Variants in EFCAB11 observed in about 807,000 individuals in gnomAD.
EFCAB11 encodes EF-hand calcium-binding domain-containing protein 11.
In EFCAB11, 14 loss-of-function variants were observed where a neutral mutation model predicts 23.0. That is an observed-to-expected ratio of 0.61 (90% confidence interval 0.40 to 0.95). The LOEUF is 0.95. Among genes scored for constraint, EFCAB11 ranks in the 40% least tolerant of loss-of-function variants. EFCAB11 has a pLI of 0.00. For synonymous variants in EFCAB11, 65 were observed against 66.6 expected, an observed-to-expected ratio of 0.98 and a Z score of 0.11; for missense variants, 198 against 195.8, an observed-to-expected ratio of 1.01 and a Z score of -0.07.
At chr14:89,923,405 T>C (rs1377114538) in intron 5 of EFCAB11, 1 of 152,556 alleles carries the variant, frequency 6.6e-6, no homozygotes, top group Admixed American at 6.5e-5. Flanking sequence ...TATAAGCATG[T>C]GCAACAGGAC....
intron 5 of EFCAB11, chr14:89,837,047 G>A (rs1159825819): frequency 2.2e-6 from 1 of 456,392 alleles, no homozygotes; most frequent in Non-Finnish European, 4.4e-6. Flanking sequence ...TGAGGGGTGT[G>A]CCTGAATGAT....
chr14:89,917,359 C>T (rs1889883868), intron 5 of EFCAB11, among the ~76,000 whole-genome samples: 1 of 152,146 alleles, frequency 6.6e-6, no homozygotes, highest in African/African-American at 2.4e-5. Flanking sequence ...CTTTCTGTGT[C>T]TGGCTTCTTT....
chr14:89,844,482 C>A (rs893831796), intron 5 of EFCAB11, among the ~76,000 whole-genome samples: 4 of 152,180 alleles, frequency 2.6e-5, no homozygotes, highest in African/African-American at 9.7e-5. Context: ...CTCACAGACC[C>A]CTGGCGGCCC....
At chr14:89,894,098 G>A (rs1889081083) in intron 5 of EFCAB11, among the ~76,000 whole-genome samples, 2 of 151,828 alleles carry the variant, frequency 1.3e-5, no homozygotes, top group South Asian at 4.2e-4. Context: ...TCCTGTGCCC[G>A]CCATCACGCC....
At chr14:89,858,291 G>A (rs769064311) in intron 5 of EFCAB11, among the ~76,000 whole-genome samples, 10 of 152,176 alleles carry the variant, frequency 6.6e-5, no homozygotes, top group Non-Finnish European at 1.2e-4. Context: ...GCCTTCAGAT[G>A]ACCAATACCT....
chr14:89,879,102 T>G (rs948559261), intron 5 of EFCAB11, among the ~76,000 whole-genome samples: 11 of 152,106 alleles, frequency 7.2e-5, no homozygotes, highest in Non-Finnish European at 1.5e-4. Flanking sequence ...TAAACTGCTA[T>G]TGTATTCAAT....
At chr14:89,857,839 A>AT (rs1887801495) in intron 5 of EFCAB11, among the ~76,000 whole-genome samples, 1 of 152,136 alleles carries the variant, frequency 6.6e-6, no homozygotes, top group Non-Finnish European at 1.5e-5. Flanking sequence ...ATACTTCATG[A>AT]TTTTTTTACT....
intron 5 of EFCAB11, among the ~76,000 whole-genome samples, chr14:89,831,645 A>G (rs1488305467): frequency 6.6e-6 from 1 of 152,216 alleles, no homozygotes; most frequent in South Asian, 2.1e-4. Context: ...AGCAGTGTTT[A>G]CCTGGAGAAT....
intron 5 of EFCAB11, among the ~76,000 whole-genome samples, chr14:89,861,887 T>C (rs1462066940): frequency 1.3e-5 from 2 of 152,216 alleles, no homozygotes; most frequent in African/African-American, 4.8e-5. Flanking sequence ...GAAATAAATT[T>C]CTTTTCTTTA....
At chr14:89,897,988 A>G (rs1177799989) in intron 5 of EFCAB11, among the ~76,000 whole-genome samples, 1 of 152,260 alleles carries the variant, frequency 6.6e-6, no homozygotes, top group Admixed American at 6.5e-5. Flanking sequence ...TGTCATCAAC[A>G]AAAAGCTAAA....
At chr14:89,837,170 A>G in intron 5 of EFCAB11, 1 of 454,792 alleles carries the variant, frequency 2.2e-6, no homozygotes, top group Non-Finnish European at 4.4e-6. Flanking sequence ...AATAACAGAT[A>G]CACTATTTAT....
chr14:89,891,496 A>G (rs1888961693), intron 5 of EFCAB11, among the ~76,000 whole-genome samples: 1 of 152,218 alleles, frequency 6.6e-6, no homozygotes, highest in South Asian at 2.1e-4. Context: ...TGTCAGAAGC[A>G]AGAGGTTTCT....
At chr14:89,882,260 C>T (rs1888624711) in intron 5 of EFCAB11, among the ~76,000 whole-genome samples, 1 of 152,138 alleles carries the variant, frequency 6.6e-6, no homozygotes, top group South Asian at 2.1e-4. Context: ...TCAAATACTA[C>T]CTTGTCTTAT....
In EFCAB11 at chr14:89,824,405, C is replaced by T. The variant is rs532177887; in HGVS notation, c.411-27081G>A. Among the ~76,000 whole-genome samples, 147 of 151,032 alleles carry T rather than the reference C, an allele frequency of 9.7e-4. 1 individual carries two copies. Among genetic ancestry groups the T allele is most frequent in the South Asian group, 1.9e-3 (9 of 4,764 alleles). ...TTCCTTAGGCTTATGGAAAATAATA[C>T]GAAATGGAAAACTGGATCTACAAAA... On this transcript the variant is annotated intron_variant, in intron 5 of 5. Transcript: ENST00000316738.
At position 89,950,185 on chromosome 14, in the gene EFCAB11, G is replaced by A. The variant is rs757619573; in HGVS notation, c.172-43C>T. 1.3e-5 allele frequency: 19 copies of A among 1,516,986 alleles called. No homozygotes were observed. In the East Asian group the frequency reaches 2.4e-4, roughly 19 times the overall value. 94.0% of individuals were successfully genotyped at this position (1,516,986 alleles called of 1,614,324 possible). ...ATAATAGAACATGTAATTTTATCAC[G>A]TTTTCACAGTGCAAGTTCTTAATTC... On this transcript the variant is annotated intron_variant, in intron 2 of 5. Transcript: ENST00000316738.
intron 5 of EFCAB11, among the ~76,000 whole-genome samples, chr14:89,855,143 T>G (rs1398804432): frequency 6.6e-6 from 1 of 151,954 alleles, no homozygotes; most frequent in Non-Finnish European, 1.5e-5. Flanking sequence ...TACCAAAAGT[T>G]CTTTTGTAGC....
intron 5 of EFCAB11, among the ~76,000 whole-genome samples, chr14:89,911,435 C>T (rs1202666391): frequency 2.0e-5 from 3 of 152,194 alleles, no homozygotes; most frequent in Admixed American, 6.5e-5. Context: ...CAGACAAACA[C>T]GAGAACCTTC....
At chr14:89,804,242 G>T (rs1007748541) in intron 5 of EFCAB11, among the ~76,000 whole-genome samples, 1 of 152,186 alleles carries the variant, frequency 6.6e-6, no homozygotes, top group African/African-American at 2.4e-5. Context: ...AGAACCCCTT[G>T]ACCAGTTTAC....
At chr14:89,892,623 C>T (rs146901195) in intron 5 of EFCAB11, among the ~76,000 whole-genome samples, 1 of 152,290 alleles carries the variant, frequency 6.6e-6, no homozygotes, top group African/African-American at 2.4e-5. Context: ...GTCTGATGGC[C>T]AGGCATGGTG....
Sources: gnomAD v4.1 joint callset for allele counts (sites outside exome capture counted in the v4.1 genomes callset) on GRCh38, gnomAD v4.1.1 for gene constraint, MANE v1.5 for transcripts, NCBI Gene and HGNC (gene_info 2026-07-23, HGNC 2026-07-21) for gene names.